INSL6: variants seen among roughly 807,000 people sequenced by gnomAD.
INSL6 encodes the protein insulin-like peptide INSL6.
In INSL6, 16 loss-of-function variants were observed where a neutral mutation model predicts 9.4. That is an observed-to-expected ratio of 1.70 (90% confidence interval 1.15 to 2.59). The LOEUF (loss-of-function observed/expected upper bound fraction) is 2.59, where lower values mean the gene tolerates loss of function less well. Ranked by LOEUF, INSL6 falls within the 30% of genes most tolerant of loss-of-function variation. The probability of loss-of-function intolerance (pLI) is 0.00; values close to 1 mark genes in which losing one functional copy is unlikely to be tolerated. For synonymous variants in INSL6, 154 were observed against 96.9 expected, an observed-to-expected ratio of 1.59 and a Z score of -3.46; for missense variants, 391 against 257.3, an observed-to-expected ratio of 1.52 and a Z score of -3.56.
rs750734524 is a variant in INSL6, at chr9:5,126,292, A to G, written c.*11-1781T>C. The G allele has an allele frequency of 2.1e-6, 3 of 1,404,874 alleles. 1 individual carries two copies. The highest frequency in any genetic ancestry group is 3.0e-6 in the Non-Finnish European group (3 of 1,006,316). The allele number at this position is 1,404,874 out of a possible 1,614,324, so 87.0% of individuals were successfully genotyped here. The stretch of plus-strand genomic sequence containing the variant: ...GAAATTGAGAAAGAATTTTGCTACA[A>G]ATTAAATGTACAAAAAATATTGAAA... On this transcript the variant is annotated intron_variant, in intron 3 of 3. Coordinates refer to the INSL6 transcript ENST00000649639.
chr9:5,037,410 A>G, the INSL6 span, among the ~76,000 whole-genome samples: 1 of 152,222 alleles, frequency 6.6e-6, no homozygotes, highest in African/African-American at 2.4e-5. Flanking sequence ...ATGCACACGT[A>G]TGTTTATTGC....
At chr9:5,093,512 C>T in the INSL6 span, among the ~76,000 whole-genome samples, 2 of 152,080 alleles carry the variant, frequency 1.3e-5, no homozygotes, top group Non-Finnish European at 2.9e-5. Context: ...AGCTTATAAG[C>T]AAATAAGATG....
chr9:5,184,660 C>T (rs2130925759), intron 1 of INSL6, among the ~76,000 whole-genome samples: 1 of 152,158 alleles, frequency 6.6e-6, no homozygotes, highest in Non-Finnish European at 1.5e-5. Context: ...TTTAAATGTT[C>T]CTTTGTTGTT....
At position 5,165,289 on chromosome 9, in the gene INSL6, T is replaced by C. The variant is rs1173641557; in HGVS notation, c.290-1024A>G. Reference sequence around the variant, plus strand: ...GTGTGAACATATGTTTTGAATTCTTTGGGATGTAACCTAGGGATGGAACAC... The same window carrying C: ...GTGTGAACATATGTTTTGAATTCTTCGGGATGTAACCTAGGGATGGAACAC... On this transcript the variant is annotated intron_variant, in intron 1 of 1. Coordinates refer to ENST00000381641, the MANE Select transcript of INSL6 (RefSeq NM_007179.3). Among the ~76,000 whole-genome samples the C allele has an allele frequency of 2.0e-5, 3 of 152,234 alleles. No individual in the cohort carries two copies. In the East Asian group the frequency reaches 5.8e-4, roughly 29 times the overall value.
the INSL6 span, among the ~76,000 whole-genome samples, chr9:5,012,829 A>C: frequency 1.3e-5 from 2 of 152,254 alleles, no homozygotes; most frequent in Non-Finnish European, 1.5e-5. Flanking sequence ...CAGATAATGG[A>C]ATTTTAGTCT....
the INSL6 span, among the ~76,000 whole-genome samples, chr9:5,036,740 A>T: frequency 6.6e-6 from 1 of 152,178 alleles, no homozygotes; most frequent in Non-Finnish European, 1.5e-5. Flanking sequence ...TAAATGTTAG[A>T]CCTAAAACCA....
At chr9:5,086,931 C>A in the INSL6 span, among the ~76,000 whole-genome samples, 1 of 152,240 alleles carries the variant, frequency 6.6e-6, no homozygotes, top group East Asian at 1.9e-4. Context: ...TATATCACCC[C>A]CCCTTCCCTT....
chr9:5,040,885 G>T, the INSL6 span: 3 of 284,098 alleles, frequency 1.1e-5, no homozygotes, highest in Non-Finnish European at 2.0e-5. Context: ...TCCGCGCCGC[G>T]CTGCTGAAGC....
intron 2 of INSL6, among the ~76,000 whole-genome samples, chr9:5,158,722 C>G (rs1157025963): frequency 1.3e-5 from 2 of 152,084 alleles, no homozygotes; most frequent in Admixed American, 1.3e-4. Context: ...GGAGCTGCAT[C>G]AACACCAGAT....
At chr9:5,106,187 C>G in the INSL6 span, among the ~76,000 whole-genome samples, 1 of 151,900 alleles carries the variant, frequency 6.6e-6, no homozygotes, top group African/African-American at 2.4e-5. Flanking sequence ...TATCCAAAAT[C>G]TACAAAGAAA....
Position 5,164,038 on chromosome 9 carries a change from C to T in INSL6, c.517G>A (p.Gly173Arg). The T allele has an allele frequency of 6.2e-6, 10 of 1,613,614 alleles. No homozygotes were observed. The highest frequency in any genetic ancestry group is 8.5e-6 in the Non-Finnish European group (10 of 1,179,794). Reference sequence around the variant, plus strand: ...GTAAGACAACACTTTTCTGAATATCCTCTGCGTTTTCTTTGGGGATGATGC... The same window carrying T: ...GTAAGACAACACTTTTCTGAATATCTTCTGCGTTTTCTTTGGGGATGATGC... Reference protein sequence around the residue: ...WGHHPQRKRRGYSEKCCLTGC... With the variant: ...WGHHPQRKRRRYSEKCCLTGC... The change falls in exon 2 of 2, where the codon GGA (glycine) becomes AGA (arginine). Residue 173 changes from glycine (G) to arginine (R), a missense_variant. Physicochemically the swap from Gly to Arg is moderately radical, Grantham distance 125. Coordinates refer to ENST00000381641, the MANE Select transcript of INSL6 (RefSeq NM_007179.3).
chr9:5,023,904 C>G, the INSL6 span, among the ~76,000 whole-genome samples: 1 of 150,518 alleles, frequency 6.6e-6, no homozygotes, highest in African/African-American at 2.4e-5. Context: ...ATTTTTTTAG[C>G]TTTTAAGATT....
the INSL6 span, chr9:5,068,946 T>C: frequency 1.3e-6 from 1 of 795,126 alleles, no homozygotes; most frequent in Non-Finnish European, 2.0e-6. Context: ...GTTCTTGTGA[T>C]ATCATTTTGT....
the INSL6 span, among the ~76,000 whole-genome samples, chr9:5,002,769 C>A: frequency 6.6e-6 from 1 of 151,648 alleles, no homozygotes; most frequent in African/African-American, 2.4e-5. Flanking sequence ...TACATTTTTG[C>A]TTCATGTAAT....
intron 2 of INSL6, among the ~76,000 whole-genome samples, chr9:5,157,737 A>G (rs909624498): frequency 6.6e-6 from 1 of 152,164 alleles, no homozygotes; most frequent in African/African-American, 2.4e-5. Context: ...GTACAAATAA[A>G]CCCAGACTGG....
At chr9:5,070,658 T>C in the INSL6 span, among the ~76,000 whole-genome samples, 1 of 152,038 alleles carries the variant, frequency 6.6e-6, no homozygotes, top group Non-Finnish European at 1.5e-5. Flanking sequence ...ATTTTCCAAC[T>C]GAGTTTCCTT....
the INSL6 span, among the ~76,000 whole-genome samples, chr9:5,057,773 G>C: frequency 6.6e-6 from 1 of 151,708 alleles, no homozygotes; most frequent in African/African-American, 2.4e-5. Flanking sequence ...AGTAGAGACG[G>C]GGTTTCACCA....
the INSL6 span, chr9:5,041,553 GAGATGGCTACGTA>G: frequency 1.9e-6 from 1 of 529,806 alleles, no homozygotes; most frequent in Non-Finnish European, 3.8e-6. Flanking sequence ...CTTCCCAGAG[GAGATGGCTACGTA>G]CCTGCACTAC....
chr9:5,170,318 C>A lies in INSL6; in HGVS notation c.290-6053G>T, dbSNP rs574550082. Among the ~76,000 whole-genome samples the A allele has an allele frequency of 5.3e-5, 8 of 152,168 alleles. No homozygotes were observed. The South Asian group carries it at 1.7e-3, about 32-fold the overall frequency. On this transcript the variant is annotated intron_variant, in intron 1 of 1. Transcript: ENST00000381641. ...TTTGAAATCAATGAGAACAAAGAAACAACGTATCAGAATCTCTGGGACATA... is the reference window on the plus strand; with the variant it reads ...TTTGAAATCAATGAGAACAAAGAAAAAACGTATCAGAATCTCTGGGACATA...
Sources: allele counts gnomAD v4.1 joint callset (sites outside exome capture counted in the v4.1 genomes callset), GRCh38; gene constraint gnomAD v4.1.1; transcripts MANE v1.5; gene names NCBI Gene and HGNC (gene_info 2026-07-23, HGNC 2026-07-21).